The following TCERG1L variants were observed in gnomAD, a reference collection of about 807,000 sequenced individuals.
TCERG1L encodes the protein transcription elongation regulator 1-like protein.
Under a neutral mutation model 56.3 loss-of-function variants are expected in TCERG1L, and 37 were observed. The ratio of observed to expected loss-of-function variants is 0.66; its 90% CI spans 0.51 to 0.87. The LOEUF (loss-of-function observed/expected upper bound fraction) is 0.87, where lower values mean the gene tolerates loss of function less well. Among genes scored for constraint, TCERG1L ranks in the 40% least tolerant of loss-of-function variants. TCERG1L has a pLI of 0.00. For missense variants in TCERG1L, 799 were observed against 774.2 expected (o/e 1.03, Z -0.38); for synonymous variants, 324 against 326.3 (o/e 0.99, Z 0.08).
chr10:131,136,778 G>A (rs1300847173), intron 7 of TCERG1L, among the ~76,000 whole-genome samples: 2 of 151,072 alleles, frequency 1.3e-5, no homozygotes, highest in African/African-American at 4.9e-5. Context: ...TTACAGGCGT[G>A]AGCCACCATG....
chr10:131,122,643 G>A (rs562605005), intron 8 of TCERG1L, among the ~76,000 whole-genome samples: 14 of 152,266 alleles, frequency 9.2e-5, no homozygotes, highest in South Asian at 2.1e-4. Context: ...TTGTCACCTC[G>A]ATCATAAAAC....
intron 4 of TCERG1L, among the ~76,000 whole-genome samples, chr10:131,219,392 G>A (rs970246811): frequency 1.3e-5 from 2 of 152,206 alleles, no homozygotes; most frequent in Admixed American, 6.5e-5. Flanking sequence ...GACCGCCAGC[G>A]GCTTCGAGTT....
chr10:131,311,607 C>T lies in TCERG1L; in HGVS notation c.29G>A (p.Arg10Gln). MQAGARFQR[R>Q]RRQLQQQQPR... The stretch of plus-strand genomic sequence containing the variant: ...CTGCTGCTGCTGCAGCTGCCGCCGC[C>T]GCCGCTGGAACCTGGCGCCCGCCTG... The change falls in exon 1 of 12, where the codon CGG becomes CAG. Residue 10 changes from arginine (R) to glutamine (Q), a missense_variant. By Grantham distance (43) the Arg-to-Gln change is conservative (BLOSUM62 1). Coordinates refer to ENST00000368642, the MANE Select transcript of TCERG1L (RefSeq NM_174937.4). This position sits in a 1 kb window ranked among gnomAD's most constrained non-coding sequence, Gnocchi z 4.0. 8.7e-7 allele frequency: 1 copy of T among 1,143,482 alleles called. No homozygotes were observed. The highest frequency in any genetic ancestry group is 1.1e-6 in the Non-Finnish European group (1 of 932,484). The allele number at this position is 1,143,482 out of a possible 1,614,324, so 70.8% of individuals were successfully genotyped here.
intron 4 of TCERG1L, among the ~76,000 whole-genome samples, chr10:131,248,109 T>A (rs966474358): frequency 6.6e-6 from 1 of 151,268 alleles, no homozygotes; most frequent in African/African-American, 2.4e-5. Flanking sequence ...ACACACATGA[T>A]ACACACACTG....
At chr10:131,270,643 C>T (rs1015330645) in intron 3 of TCERG1L, among the ~76,000 whole-genome samples, 4 of 152,216 alleles carry the variant, frequency 2.6e-5, no homozygotes, top group African/African-American at 7.2e-5. Flanking sequence ...CCGTTGCTGG[C>T]GTTTGCATTG....
At chr10:131,240,848 C>G (rs546205877) in intron 4 of TCERG1L, among the ~76,000 whole-genome samples, 1 of 152,300 alleles carries the variant, frequency 6.6e-6, no homozygotes. Context: ...CCAGAGGGAG[C>G]TGATTATGAG....
intron 3 of TCERG1L, among the ~76,000 whole-genome samples, chr10:131,300,568 T>A (rs916664968): frequency 6.6e-6 from 1 of 152,200 alleles, no homozygotes; most frequent in African/African-American, 2.4e-5. Context: ...TTGACTTTCT[T>A]ATATTTTTAT....
intron 3 of TCERG1L, among the ~76,000 whole-genome samples, chr10:131,261,935 T>C (rs976141848): frequency 3.3e-5 from 5 of 152,234 alleles, no homozygotes; most frequent in African/African-American, 1.2e-4. Context: ...CGAGACTCCC[T>C]GCTGACCCCT....
intron 3 of TCERG1L, among the ~76,000 whole-genome samples, chr10:131,289,293 G>GA (rs1259870772): frequency 6.6e-6 from 1 of 150,962 alleles, no homozygotes; most frequent in African/African-American, 2.4e-5. Context: ...ACAGCATAAA[G>GA]AAAAAAAGAT....
At chr10:131,097,583 G>T (rs1385208691) in intron 11 of TCERG1L, among the ~76,000 whole-genome samples, 1 of 152,128 alleles carries the variant, frequency 6.6e-6, no homozygotes, top group African/African-American at 2.4e-5. Flanking sequence ...TCCTGACCTC[G>T]TGATCCACCT....
chr10:131,191,895 AAAG>A lies in TCERG1L; in HGVS notation c.857-25013_857-25011del, dbSNP rs957362960. 5.7e-5 allele frequency among the ~76,000 whole-genome samples: 8 copies of A among 139,714 alleles called. 1 individual carries two copies. The highest frequency in any genetic ancestry group is 2.1e-4 in the African/African-American group (8 of 37,276). 91.7% of individuals were successfully genotyped at this position (139,714 alleles called of 152,430 possible). On this transcript the variant is annotated intron_variant, in intron 4 of 11. Coordinates refer to ENST00000368642, the MANE Select transcript of TCERG1L (RefSeq NM_174937.4). ...AAAAAAAAAAAAAAAAAAAAGAAAA[AAAG>A]AAAAAGACCTGAAACTATAAAACTT... is the stretch of plus-strand genomic sequence containing the variant.
intron 8 of TCERG1L, among the ~76,000 whole-genome samples, chr10:131,124,668 C>T (rs536362703): frequency 4.9e-5 from 7 of 142,428 alleles, no homozygotes; most frequent in African/African-American, 1.5e-4. Context: ...GCTGCCTGTC[C>T]GTGGATGTGC....
At chr10:131,256,122 A>C (rs995549497) in intron 4 of TCERG1L, among the ~76,000 whole-genome samples, 4 of 152,188 alleles carry the variant, frequency 2.6e-5, no homozygotes, top group Admixed American at 2.0e-4. Flanking sequence ...TAAAATGTTA[A>C]TATGTATTAT....
At chr10:131,184,468 A>G (rs1048937061) in intron 4 of TCERG1L, among the ~76,000 whole-genome samples, 1 of 152,230 alleles carries the variant, frequency 6.6e-6, no homozygotes, top group African/African-American at 2.4e-5. Context: ...CAAAAGAGAA[A>G]CAAATCAGCA....
intron 4 of TCERG1L, among the ~76,000 whole-genome samples, chr10:131,226,679 C>T (rs890291042): frequency 4.6e-5 from 7 of 152,244 alleles, no homozygotes; most frequent in Non-Finnish European, 7.3e-5. Context: ...AATTGAAAGA[C>T]ATTCAAGGTA....
chr10:131,249,645 A>G (rs147039338), intron 4 of TCERG1L, among the ~76,000 whole-genome samples: 24 of 152,276 alleles, frequency 1.6e-4, no homozygotes, highest in African/African-American at 5.5e-4. Context: ...CTTTCTTTCT[A>G]CTTGTGCAAA....
In TCERG1L at chr10:131,260,281, G is replaced by C; in HGVS notation, c.834C>G (p.Pro278=). ...TACCTGAGACGGGGGACGTCCGGAG[G>C]GGTATTTTGATGGGTGCCAAGGTCA... ...HFLTLAPIKI[P]LRTSPVSDTR... Residue 278 remains proline (P), a synonymous_variant, in exon 4 of 12, where the codon CCC becomes CCG. Transcript: ENST00000368642. This position sits in a 1 kb window ranked among gnomAD's most constrained non-coding sequence, Gnocchi z 5.8. 2 of 1,407,230 alleles carry C rather than the reference G, an allele frequency of 1.4e-6. No individual in the cohort carries two copies. Among genetic ancestry groups the C allele is most frequent in the Non-Finnish European group, 1.9e-6 (2 of 1,077,506 alleles). 87.2% of individuals were successfully genotyped at this position (1,407,230 alleles called of 1,614,324 possible).
Position 131,132,956 on chromosome 10 carries a change from A to G in TCERG1L, c.1259+1423T>C, listed in dbSNP as rs546368426. Among the ~76,000 whole-genome samples, 14 of 152,308 alleles carry G rather than the reference A, an allele frequency of 9.2e-5. No homozygotes were observed. The South Asian group carries it at 2.9e-3, about 32-fold the overall frequency. ...TGCTGTGGGGCCAGGCGGCAGGAGC[A>G]CTGGGGGAGAAGAGCCCTTTACCTC... On this transcript the variant is annotated intron_variant, in intron 8 of 11. Transcript: ENST00000368642.
intron 9 of TCERG1L, 136 bp downstream of exon 9, chr10:131,116,663 A>G: frequency 8.2e-7 from 1 of 1,214,054 alleles, no homozygotes; most frequent in South Asian, 1.4e-5. Flanking sequence ...AGGACACATC[A>G]TCTCTCAGGC....
Sources: allele counts gnomAD v4.1 joint callset (sites outside exome capture counted in the v4.1 genomes callset), GRCh38; gene constraint gnomAD v4.1.1; non-coding constraint Gnocchi (gnomAD v3.1); transcripts MANE v1.5; gene names NCBI Gene and HGNC (gene_info 2026-07-23, HGNC 2026-07-21).